ADGRB3: variants seen among roughly 807,000 people sequenced by gnomAD.
ADGRB3 encodes the protein brain-specific angiogenesis inhibitor 3.
ADGRB3 carries 37 observed loss-of-function variants against 193.4 expected under a neutral mutation model. The ratio of observed to expected loss-of-function variants is 0.19; its 90% CI spans 0.15 to 0.25. The LOEUF (loss-of-function observed/expected upper bound fraction) is 0.25. ADGRB3 is among the 10% of genes least tolerant of loss of function. The pLI, the probability that ADGRB3 is intolerant of heterozygous loss-of-function variation, is 1.00. For missense variants in ADGRB3, 1,637 were observed against 1,852.9 expected (o/e 0.88, Z 2.14); for synonymous variants, 690 against 644.2 (o/e 1.07, Z -1.08).
chr6:68,728,308 G>T (rs550982382), intron 3 of ADGRB3, among the ~76,000 whole-genome samples: 4 of 151,416 alleles, frequency 2.6e-5, no homozygotes, highest in African/African-American at 9.7e-5. Flanking sequence ...TGACAATGTT[G>T]CAATACATCT....
chr6:68,891,233 A>T (rs188055032), intron 3 of ADGRB3, among the ~76,000 whole-genome samples: 18 of 152,252 alleles, frequency 1.2e-4, no homozygotes, highest in African/African-American at 3.8e-4. Flanking sequence ...TGATTCAGTT[A>T]TCTCTCACTA....
intron 3 of ADGRB3, among the ~76,000 whole-genome samples, chr6:68,917,805 C>T (rs1015437176): frequency 8.6e-5 from 13 of 152,022 alleles, no homozygotes; most frequent in Admixed American, 3.9e-4. Flanking sequence ...AAATAAAGAC[C>T]ACTACTAATT....
intron 3 of ADGRB3, among the ~76,000 whole-genome samples, chr6:68,844,389 A>T (rs1347870741): frequency 6.6e-6 from 1 of 152,184 alleles, no homozygotes; most frequent in African/African-American, 2.4e-5. Context: ...TTATCAAAAG[A>T]CAAAATACAA....
chr6:69,061,186 G>T (rs1771737378), intron 15 of ADGRB3, among the ~76,000 whole-genome samples: 1 of 151,786 alleles, frequency 6.6e-6, no homozygotes, highest in African/African-American at 2.4e-5. Flanking sequence ...AGGCTGAATA[G>T]CTTCCTGAGT....
At chr6:69,011,141 G>A (rs75066861) in intron 11 of ADGRB3, among the ~76,000 whole-genome samples, 45 of 92,658 alleles carry the variant, frequency 4.9e-4, no homozygotes, top group African/African-American at 1.5e-3. Context: ...ATATATGTGT[G>A]TGTGTGTGTG....
At chr6:69,166,072 A>G (rs1205927971) in intron 17 of ADGRB3, among the ~76,000 whole-genome samples, 1 of 152,122 alleles carries the variant, frequency 6.6e-6, no homozygotes, top group Non-Finnish European at 1.5e-5. Flanking sequence ...ACAATATATT[A>G]TCACTAATAT....
At chr6:68,845,825 A>C (rs1768262469) in intron 3 of ADGRB3, among the ~76,000 whole-genome samples, 1 of 152,160 alleles carries the variant, frequency 6.6e-6, no homozygotes, top group Non-Finnish European at 1.5e-5. Flanking sequence ...ACTACAGTAA[A>C]TTTATACCAG....
At chr6:69,021,977 A>G (rs1016457104) in intron 13 of ADGRB3, among the ~76,000 whole-genome samples, 2 of 151,616 alleles carry the variant, frequency 1.3e-5, no homozygotes, top group African/African-American at 2.4e-5. Flanking sequence ...AGGTTTGGAA[A>G]AAAACAGTCT....
chr6:68,847,644 C>T (rs894410143), intron 3 of ADGRB3, among the ~76,000 whole-genome samples: 3 of 152,158 alleles, frequency 2.0e-5, no homozygotes, highest in African/African-American at 7.2e-5. Flanking sequence ...ATTATGAGAC[C>T]TCCCCAGCCA....
Position 68,975,247 on chromosome 6 carries a change from A to G in ADGRB3, c.1641A>G (p.Arg547=). Residue 547 remains arginine, a synonymous_variant, in exon 10 of 32, where the codon AGA becomes AGG. Transcript: ENST00000370598. ...TGTGACACACAGGCACCACTAGCAGACGCTGCTCTCTCAGTCTTCATGGAG... is the reference window on the plus strand; with the variant it reads ...TGTGACACACAGGCACCACTAGCAGGCGCTGCTCTCTCAGTCTTCATGGAG... ...CPLNATGTTS[R]RCSLSLHGVA... The G allele has an allele frequency of 1.2e-6, 2 of 1,613,990 alleles. No homozygotes were observed. The highest frequency in any genetic ancestry group is 1.7e-6 in the Non-Finnish European group (2 of 1,179,904).
At chr6:69,196,614 T>G (rs1389174550) in intron 17 of ADGRB3, among the ~76,000 whole-genome samples, 1 of 152,112 alleles carries the variant, frequency 6.6e-6, no homozygotes, top group African/African-American at 2.4e-5. Context: ...TAACTTAACT[T>G]TTAATTCTAA....
intron 31 of ADGRB3, among the ~76,000 whole-genome samples, chr6:69,385,071 T>A (rs75724597): frequency 6.6e-6 from 1 of 151,592 alleles, no homozygotes; most frequent in South Asian, 2.1e-4. Flanking sequence ...CAAAAAACCA[T>A]TTAGTCCATT....
chr6:68,880,144 G>C (rs1765695191), intron 3 of ADGRB3, among the ~76,000 whole-genome samples: 1 of 152,156 alleles, frequency 6.6e-6, no homozygotes, highest in South Asian at 2.1e-4. Flanking sequence ...TCTGACTTCG[G>C]ATAAGGCAGC....
At chr6:68,977,125 T>G (rs1394525255) in intron 10 of ADGRB3, among the ~76,000 whole-genome samples, 1 of 150,140 alleles carries the variant, frequency 6.7e-6, no homozygotes, top group East Asian at 1.9e-4. Context: ...CTTTTTTTGT[T>G]TCTATTTAGA....
intron 17 of ADGRB3, among the ~76,000 whole-genome samples, chr6:69,199,336 C>T (rs1299871224): frequency 6.6e-6 from 1 of 152,058 alleles, no homozygotes; most frequent in Non-Finnish European, 1.5e-5. Flanking sequence ...TTTGAAGTCA[C>T]CTGGGTGACC....
intron 3 of ADGRB3, among the ~76,000 whole-genome samples, chr6:68,787,860 A>G (rs1201108502): frequency 6.6e-6 from 1 of 152,144 alleles, no homozygotes; most frequent in East Asian, 1.9e-4. Flanking sequence ...CAGAGATTCA[A>G]CTTCTTCCTG....
intron 10 of ADGRB3, among the ~76,000 whole-genome samples, chr6:68,976,400 C>T (rs1768749410): frequency 1.3e-5 from 2 of 152,118 alleles, no homozygotes; most frequent in South Asian, 4.1e-4. Context: ...TTATTTCTGT[C>T]ATTATATATA....
rs1562128764 is a variant in ADGRB3, at chr6:69,031,026, C to CTTT, written c.2107+12527_2107+12528insTTT. On this transcript the variant is annotated intron_variant, in intron 13 of 31. Transcript: ENST00000370598. Reference sequence around the variant, plus strand: ...CTTTCTTTTCTTTTCTTTTTTTTTTCCTCTTCTCTTCTCTCTTCTCTTCTC... The same window carrying CTTT: ...CTTTCTTTTCTTTTCTTTTTTTTTTCTTTCTCTTCTCTTCTCTCTTCTCTTCTC... Among the ~76,000 whole-genome samples the CTTT allele has an allele frequency of 3.2e-3, 85 of 26,876 alleles. 10 individuals carry two copies. Among genetic ancestry groups the CTTT allele is most frequent in the Non-Finnish European group, 4.8e-3 (66 of 13,684 alleles). The allele number at this position is 26,876 out of a possible 152,430, so 17.6% of individuals were successfully genotyped here.
In ADGRB3 at chr6:68,815,638, T is replaced by TGTGTGTGTGTGGGTGG. The variant is rs146536913; in HGVS notation, c.758-114918_758-114917insTGTGTGTGGGTGGGTG. Among the ~76,000 whole-genome samples the TGTGTGTGTGTGGGTGG allele has an allele frequency of 2.4e-3, 352 of 149,506 alleles. 4 individuals carry two copies. Among genetic ancestry groups the TGTGTGTGTGTGGGTGG allele is most frequent in the East Asian group, 4.2e-3 (21 of 4,996 alleles). Reference sequence around the variant, plus strand: ...GTGTGTGTGTGTGTGTGTGTGTGTGTGTGCATGTAGATCTCATTTGATGTA... The same window carrying TGTGTGTGTGTGGGTGG: ...GTGTGTGTGTGTGTGTGTGTGTGTGTGTGTGTGTGTGGGTGGGTGCATGTAGATCTCATTTGATGTA... On this transcript the variant is annotated intron_variant, in intron 3 of 31. Coordinates refer to ENST00000370598, the MANE Select transcript of ADGRB3 (RefSeq NM_001704.3).
Sources: gnomAD v4.1 joint callset for allele counts (sites outside exome capture counted in the v4.1 genomes callset) on GRCh38, gnomAD v4.1.1 for gene constraint, MANE v1.5 for transcripts, NCBI Gene and HGNC (gene_info 2026-07-23, HGNC 2026-07-21) for gene names.